ABCB5: variants seen among roughly 807,000 people sequenced by gnomAD.
The protein encoded by ABCB5 is ATP binding cassette subfamily B member 5.
In ABCB5, 155 loss-of-function variants were observed where a neutral mutation model predicts 144.2. The observed-to-expected ratio is 1.08, with a 90% CI of 0.94 to 1.23. The LOEUF (loss-of-function observed/expected upper bound fraction) is 1.23, where lower values mean the gene tolerates loss of function less well. Among genes scored for constraint, ABCB5 ranks in the 50% most tolerant of loss-of-function variants. The pLI is 0.00. For synonymous variants in ABCB5, 610 were observed against 528.6 expected (o/e 1.15, Z -2.11); for missense variants, 1,830 against 1,520.8 (o/e 1.20, Z -3.38).
intron 4 of ABCB5, among the ~76,000 whole-genome samples, chr7:20,631,792 A>G (rs1432140763): frequency 2.0e-5 from 3 of 152,170 alleles, no homozygotes; most frequent in Non-Finnish European, 4.4e-5. Context: ...CTGATCAGAG[A>G]TGTCCCAAAT....
intron 23 of ABCB5, among the ~76,000 whole-genome samples, chr7:20,736,338 C>T (rs1248463607): frequency 6.6e-6 from 1 of 152,158 alleles, no homozygotes; most frequent in Non-Finnish European, 1.5e-5. Flanking sequence ...CTGCCTCAGT[C>T]TCCTGAGTAG....
intron 13 of ABCB5, among the ~76,000 whole-genome samples, chr7:20,653,125 C>T (rs1784657786): frequency 6.6e-6 from 1 of 152,202 alleles, no homozygotes; most frequent in African/African-American, 2.4e-5. Context: ...TCAATGCTCT[C>T]ATTTCCCACT....
chr7:20,648,245 A>T (rs1269753086), intron 11 of ABCB5, among the ~76,000 whole-genome samples, 167 bp downstream of exon 11: 1 of 152,198 alleles, frequency 6.6e-6, no homozygotes, highest in Non-Finnish European at 1.5e-5. Context: ...CTCTGGATCA[A>T]CTAGTTATAT....
In ABCB5 at chr7:20,701,881, T is replaced by C. The variant is rs143749969; in HGVS notation, c.2337+1746T>C. ...AAATTGGAGAAAAAGAAGACTAGTA[T>C]ATTTAGCCCTTTCTTTGTAAGCATC... On this transcript the variant is annotated intron_variant, in intron 19 of 27. Coordinates refer to ENST00000404938, the MANE Select transcript of ABCB5 (RefSeq NM_001163941.2). Among the ~76,000 whole-genome samples the C allele has an allele frequency of 2.0e-5, 3 of 152,358 alleles. No homozygotes were observed. In the East Asian group the frequency reaches 5.8e-4, roughly 29 times the overall value.
At chr7:20,647,719 C>A in intron 10 of ABCB5, 71 bp downstream of exon 10, 2 of 1,523,192 alleles carry the variant, frequency 1.3e-6, no homozygotes, top group Non-Finnish European at 8.8e-7. Context: ...CATACACCCT[C>A]ATTTTCACTA....
intron 20 of ABCB5, among the ~76,000 whole-genome samples, chr7:20,720,940 C>T (rs1460169076): frequency 1.3e-5 from 1 of 75,676 alleles, no homozygotes; most frequent in Non-Finnish European, 2.3e-5. Context: ...CGAAACTCTG[C>T]CTCAAAAAAA....
intron 14 of ABCB5, among the ~76,000 whole-genome samples, chr7:20,674,333 G>A (rs1583416403): frequency 6.6e-6 from 1 of 151,868 alleles, no homozygotes; most frequent in East Asian, 1.9e-4. Context: ...GCTGTCATAT[G>A]TTTTTGTTTC....
chr7:20,728,833 G>A (rs185025562), intron 23 of ABCB5, among the ~76,000 whole-genome samples: 37 of 152,296 alleles, frequency 2.4e-4, no homozygotes, highest in Admixed American at 9.8e-4. Flanking sequence ...CCAGAAAGAT[G>A]TCTAGTTTAT....
chr7:20,658,918 C>G, intron 14 of ABCB5: 2 of 962,276 alleles, frequency 2.1e-6, no homozygotes, highest in Non-Finnish European at 3.3e-6. Context: ...AAGCAATCAT[C>G]CAGTCTATAC....
At chr7:20,745,540 T>A in intron 26 of ABCB5, 102 bp downstream of exon 26, 2 of 1,026,388 alleles carry the variant, frequency 1.9e-6, no homozygotes, top group South Asian at 1.6e-5. Flanking sequence ...GATTATACAA[T>A]GTATTTATTG....
In ABCB5 at chr7:20,704,785, T is replaced by A; in HGVS notation, c.2399T>A (p.Ile800Lys). ...STGGLTTILA[I>K]DIAQIQGATG... ...GGAGGCTTGACAACAATATTAGCCA[T>A]AGATATAGCACAAATTCAAGGAGTA... is the stretch of plus-strand genomic sequence containing the variant. Residue 800 changes from isoleucine to lysine, a missense_variant, in exon 20 of 28, where the codon ATA becomes AAA. By Grantham distance (102) the Ile-to-Lys change is moderately radical (BLOSUM62 -3). Transcript: ENST00000404938. 1 of 1,613,420 alleles carries A rather than the reference T, an allele frequency of 6.2e-7. No homozygotes were observed. The highest frequency in any genetic ancestry group is 8.5e-7 in the Non-Finnish European group (1 of 1,179,530).
In ABCB5 at chr7:20,651,431, T is replaced by A; in HGVS notation, c.1344T>A (p.Asp448Glu). ...CTTTGGATTGGCAGATCATGGTGGA[T>A]GAGAATGACATCAGAGCTTTAAATG... ...YDPDDGFIMV[D>E]ENDIRALNVR... is the part of the protein sequence containing the mutation. The change falls in exon 13 of 28, where the codon GAT becomes GAA. Residue 448 changes from aspartate (D) to glutamate (E), a missense_variant. Coordinates refer to ENST00000404938, the MANE Select transcript of ABCB5 (RefSeq NM_001163941.2). The A allele has an allele frequency of 6.2e-7, 1 of 1,614,026 alleles. No homozygotes were observed. Among genetic ancestry groups the A allele is most frequent in the Non-Finnish European group, 8.5e-7 (1 of 1,179,972 alleles).
rs1012339023 is a variant in ABCB5 at position 20,623,215 on chromosome 7, A to C, written c.-21-50A>C. 19 of 1,057,434 alleles carry C rather than the reference A, an allele frequency of 1.8e-5. No homozygotes were observed. The African/African-American group carries it at 3.0e-4, about 17-fold the overall frequency. 65.5% of individuals were successfully genotyped at this position (1,057,434 alleles called of 1,614,324 possible). On this transcript the variant is annotated intron_variant, in intron 1 of 27. Transcript: ENST00000404938. ...TGTAAAGAATGCTGTATATCAACTA[A>C]GTGATAAAAGTCACATAGCCATAAT...
At chr7:20,631,246 A>G (rs1157117535) in intron 4 of ABCB5, among the ~76,000 whole-genome samples, 1 of 152,130 alleles carries the variant, frequency 6.6e-6, no homozygotes. Context: ...GTTAAATCTC[A>G]TTGAAATCTC....
chr7:20,705,214 C>T (rs1289169390), intron 20 of ABCB5, among the ~76,000 whole-genome samples: 2 of 152,302 alleles, frequency 1.3e-5, no homozygotes, highest in Non-Finnish European at 2.9e-5. Flanking sequence ...TAATGTCTAA[C>T]AATTCAGAGT....
intron 14 of ABCB5, among the ~76,000 whole-genome samples, chr7:20,676,161 TACACATACACACACACAC>T (rs1785596743): frequency 1.0e-5 from 1 of 95,758 alleles, no homozygotes; most frequent in African/African-American, 3.9e-5. Context: ...GCAATTCTAC[TACACATACACACACACAC>T]ACACACACAC....
chr7:20,641,267 T>G (rs1282634650), intron 5 of ABCB5, among the ~76,000 whole-genome samples: 1 of 152,208 alleles, frequency 6.6e-6, no homozygotes, highest in African/African-American at 2.4e-5. Flanking sequence ...TCTTGATTTC[T>G]CTCTTTCCTA....
At chr7:20,624,194 A>C (rs909262836) in intron 2 of ABCB5, among the ~76,000 whole-genome samples, 1 of 152,240 alleles carries the variant, frequency 6.6e-6, no homozygotes, top group Non-Finnish European at 1.5e-5. Flanking sequence ...TTATTTTAGA[A>C]TACATTTGTG....
At chr7:20,709,511 C>T (rs1200276244) in intron 20 of ABCB5, among the ~76,000 whole-genome samples, 1 of 149,654 alleles carries the variant, frequency 6.7e-6, no homozygotes, top group Non-Finnish European at 1.5e-5. Context: ...ACTCACAGCC[C>T]ACCGTTCCTT....
Sources: gnomAD v4.1 joint callset for allele counts (sites outside exome capture counted in the v4.1 genomes callset) on GRCh38, gnomAD v4.1.1 for gene constraint, MANE v1.5 for transcripts, NCBI Gene and HGNC (gene_info 2026-07-23, HGNC 2026-07-21) for gene names.